CFAP45: variants seen among roughly 807,000 people sequenced by gnomAD.
CFAP45 encodes cilia and flagella associated protein 45.
Under a neutral mutation model 75.6 loss-of-function variants are expected in CFAP45, and 43 were observed. The ratio of observed to expected loss-of-function variants is 0.57; its 90% CI spans 0.45 to 0.73. CFAP45 has a LOEUF of 0.73. CFAP45 is among the 30% of genes least tolerant of loss of function. The probability of loss-of-function intolerance (pLI) is 0.00; values close to 1 mark genes in which losing one functional copy is unlikely to be tolerated. For missense variants in CFAP45, 689 were observed against 701.5 expected (o/e 0.98, Z 0.20); for synonymous variants, 223 against 244.6 (o/e 0.91, Z 0.82).
chr1:159,899,490 C>T (rs1349676306), intron 1 of CFAP45, among the ~76,000 whole-genome samples: 1 of 111,538 alleles, frequency 9.0e-6, no homozygotes, highest in African/African-American at 3.5e-5. Flanking sequence ...TTTTTTGAGA[C>T]GGAGTCTCGC....
chr1:159,878,065 A>G (rs574278732), intron 8 of CFAP45, among the ~76,000 whole-genome samples: 32 of 152,342 alleles, frequency 2.1e-4, no homozygotes, highest in African/African-American at 7.5e-4. Context: ...AGAAAGATCA[A>G]GGGTCTTGCC....
In CFAP45 at chr1:159,876,730, C is replaced by T. The variant is rs200252683; in HGVS notation, c.1178G>A (p.Arg393His). The change falls in exon 10 of 12, where the codon CGC becomes CAC. Residue 393 changes from arginine (R) to histidine (H), a missense_variant. Transcript: ENST00000368099. ...QAEQDALRAK[R>H]NQEVADREWR... ...CTCTCTGTCTGCAACCTCCTGGTTG[C>T]GCTTGGCCCGCAAGGCATCCTGGGA... The T allele has an allele frequency of 3.7e-5, 59 of 1,614,064 alleles. No individual in the cohort carries two copies. In the South Asian group the frequency reaches 5.3e-4, roughly 14 times the overall value.
Position 159,876,305 on chromosome 1 carries a change from G to C in CFAP45, c.1352+251C>G, listed in dbSNP as rs1229061956. On this transcript the variant is annotated intron_variant, in intron 10 of 11. Coordinates refer to ENST00000368099, the MANE Select transcript of CFAP45 (RefSeq NM_012337.3). Reference sequence around the variant, plus strand: ...TTTATTTATACTTTTACTGTTCCAGGGTAAATAATCCCAGTCATCACCAAT... The same window carrying C: ...TTTATTTATACTTTTACTGTTCCAGCGTAAATAATCCCAGTCATCACCAAT... The C allele has an allele frequency of 5.3e-6, 3 of 563,294 alleles. No homozygotes were observed. The African/African-American group carries it at 5.6e-5, about 11-fold the overall frequency. The allele number at this position is 563,294 out of a possible 1,614,324, so 34.9% of individuals were successfully genotyped here. A position where few individuals can be genotyped will look rare whatever the true frequency, so the allele number is the denominator to read the frequency against.
chr1:159,893,223 G>A lies in CFAP45; in HGVS notation c.86C>T (p.Ala29Val), dbSNP rs1557916345. The A allele has an allele frequency of 1.2e-6, 2 of 1,614,094 alleles. No individual in the cohort carries two copies. Among genetic ancestry groups the A allele is most frequent in the Non-Finnish European group, 1.7e-6 (2 of 1,179,986 alleles). The change falls in exon 2 of 12, where the codon GCC (alanine) becomes GTC (valine). Residue 29 changes from alanine to valine, a missense_variant. Transcript: ENST00000368099. ...GCTCTCATCCACCTCAGAGCTCACG[G>A]CTTTGGTCCGATAGCGAGCCTTATT... is the stretch of plus-strand genomic sequence containing the variant. ...SRNKARYRTK[A>V]VSSEVDESLF...
chr1:159,872,625 A>C, intron 11 of CFAP45, 62 bp from the exon 12 acceptor site: 1 of 1,447,882 alleles, frequency 6.9e-7, no homozygotes, highest in Non-Finnish European at 9.7e-7. Context: ...GGTGGGAGGA[A>C]GCAGGCTCTG....
intron 3 of CFAP45, among the ~76,000 whole-genome samples, chr1:159,888,955 C>A (rs144156452): frequency 6.6e-6 from 1 of 152,168 alleles, no homozygotes; most frequent in South Asian, 2.1e-4. Flanking sequence ...TCTGGCATAG[C>A]GCTTGGTACA....
At chr1:159,888,696 A>G (rs895353432) in intron 3 of CFAP45, among the ~76,000 whole-genome samples, 200 bp from the exon 4 acceptor site, 2 of 152,136 alleles carry the variant, frequency 1.3e-5, no homozygotes, top group African/African-American at 4.8e-5. Context: ...GGCTAAAAAG[A>G]GACATTTTAA....
chr1:159,894,785 T>C lies in CFAP45; in HGVS notation c.4-1480A>G, dbSNP rs574361042. ...CTAGGCTTAGCCAATGAGATGGCCC[T>C]GGACTGACAATGACTAGGGAACTAG... On this transcript the variant is annotated intron_variant, in intron 1 of 11. Coordinates refer to ENST00000368099, the MANE Select transcript of CFAP45 (RefSeq NM_012337.3). Among the ~76,000 whole-genome samples the C allele has an allele frequency of 2.0e-5, 3 of 152,322 alleles. No individual in the cohort carries two copies. The East Asian group carries it at 5.8e-4, about 29-fold the overall frequency.
intron 8 of CFAP45, 96 bp downstream of exon 8, chr1:159,880,458 C>T: frequency 9.0e-7 from 1 of 1,113,420 alleles, no homozygotes; most frequent in Non-Finnish European, 1.3e-6. Context: ...GAAGGTGCGG[C>T]TGCCTTCCAC....
At chr1:159,885,631 C>G (rs1035886740) in intron 6 of CFAP45, among the ~76,000 whole-genome samples, 3 of 152,164 alleles carry the variant, frequency 2.0e-5, no homozygotes, top group African/African-American at 7.2e-5. Context: ...AATTAAGCAC[C>G]TATTACAGGC....
chr1:159,883,741 T>G (rs1284091325), intron 7 of CFAP45, among the ~76,000 whole-genome samples: 1 of 151,612 alleles, frequency 6.6e-6, no homozygotes, highest in Non-Finnish European at 1.5e-5. Flanking sequence ...TGTGATACAA[T>G]TTTTTCAACT....
rs188930388 is a variant in CFAP45, at chr1:159,893,253, G to C, written c.56C>G (p.Ser19Ter). The C allele has an allele frequency of 6.2e-7, 1 of 1,613,894 alleles. No homozygotes were observed. Among genetic ancestry groups the C allele is most frequent in the East Asian group, 2.2e-5 (1 of 44,886 alleles). ...GGTCCGATAGCGAGCCTTATTCCTT[G>C]ACCTGTTGGAAGCGGCAGAAGAGGA... The part of the protein sequence containing the change: ...LSSSSAASNR[S>*]RNKARYRTKA... Residue 19 changes from serine to a stop codon, truncating the protein, a stop_gained, in exon 2 of 12, where the codon TCA becomes TGA. Coordinates refer to ENST00000368099, the MANE Select transcript of CFAP45 (RefSeq NM_012337.3). LOFTEE classifies it high-confidence loss of function.
At chr1:159,873,311 A>C in intron 10 of CFAP45, 143 bp from the exon 11 acceptor site, 2 of 665,110 alleles carry the variant, frequency 3.0e-6, no homozygotes, top group Non-Finnish European at 5.1e-6. Context: ...CCATTTTGTA[A>C]CTCAAGGATC....
chr1:159,888,087 AG>A, intron 4 of CFAP45, 76 bp from the exon 5 acceptor site: 1 of 1,497,760 alleles, frequency 6.7e-7, no homozygotes, highest in Non-Finnish European at 9.1e-7. Context: ...TGGCTACCAC[AG>A]GTGACCCAGT....
rs773494438 is a variant in CFAP45, at chr1:159,876,724, T to G, written c.1184A>C (p.Gln395Pro). 1 of 1,614,190 alleles carries G rather than the reference T, an allele frequency of 6.2e-7. No homozygotes were observed. Among genetic ancestry groups the G allele is most frequent in the Non-Finnish European group, 8.5e-7 (1 of 1,180,024 alleles). Residue 395 changes from glutamine (Q) to proline (P), a missense_variant, in exon 10 of 12, where the codon CAG (glutamine) becomes CCG (proline). Coordinates refer to ENST00000368099, the MANE Select transcript of CFAP45 (RefSeq NM_012337.3). Reference sequence around the variant, plus strand: ...GCGCCACTCTCTGTCTGCAACCTCCTGGTTGCGCTTGGCCCGCAAGGCATC... The same window carrying G: ...GCGCCACTCTCTGTCTGCAACCTCCGGGTTGCGCTTGGCCCGCAAGGCATC... The part of the protein sequence containing the change: ...EQDALRAKRN[Q>P]EVADREWRRK...
chr1:159,872,652 C>T, intron 11 of CFAP45, 89 bp from the exon 12 acceptor site: 1 of 1,145,166 alleles, frequency 8.7e-7, no homozygotes, highest in Non-Finnish European at 1.3e-6. Flanking sequence ...GTTTACAGAA[C>T]CTGGGGGCCT....
intron 2 of CFAP45, among the ~76,000 whole-genome samples, chr1:159,891,567 C>A (rs1419030887): frequency 6.6e-6 from 1 of 152,134 alleles, no homozygotes; most frequent in Admixed American, 6.5e-5. Context: ...AGTTAGATAA[C>A]AATTAAATGA....
chr1:159,899,390 T>G (rs1005367648), intron 1 of CFAP45, among the ~76,000 whole-genome samples: 11 of 151,182 alleles, frequency 7.3e-5, no homozygotes, highest in Admixed American at 6.6e-4. Flanking sequence ...ATTAGATGAC[T>G]TACCCACAGT....
intron 7 of CFAP45, among the ~76,000 whole-genome samples, chr1:159,883,922 C>A (rs1649614125): frequency 6.6e-6 from 1 of 152,106 alleles, no homozygotes; most frequent in South Asian, 2.1e-4. Flanking sequence ...GGTATGTTGT[C>A]ATTTCTTTTG....
Sources: allele counts gnomAD v4.1 joint callset (sites outside exome capture counted in the v4.1 genomes callset), GRCh38; gene constraint gnomAD v4.1.1; transcripts MANE v1.5; gene names NCBI Gene and HGNC (gene_info 2026-07-23, HGNC 2026-07-21).